XKR4: variants seen among roughly 807,000 people sequenced by gnomAD.
XKR4 encodes XK related 4.
Under a neutral mutation model 53.9 loss-of-function variants are expected in XKR4, and 12 were observed. The observed-to-expected ratio is 0.22, with a 90% confidence interval of 0.14 to 0.36. XKR4 has a LOEUF of 0.36. XKR4 is among the 10% of genes least tolerant of loss of function. The pLI is 1.00. For missense variants in XKR4, 799 were observed against 859.5 expected, an observed-to-expected ratio of 0.93 and a Z score of 0.88; for synonymous variants, 354 against 362.4, an observed-to-expected ratio of 0.98 and a Z score of 0.26.
At chr8:55,358,612 A>T (rs1027180651) in intron 2 of XKR4, among the ~76,000 whole-genome samples, 2 of 152,234 alleles carry the variant, frequency 1.3e-5, no homozygotes, top group Non-Finnish European at 2.9e-5. Flanking sequence ...AAGATTAGAC[A>T]GACTGGTGGG....
At chr8:55,322,605 G>A (rs1455548098) in intron 1 of XKR4, among the ~76,000 whole-genome samples, 1 of 152,142 alleles carries the variant, frequency 6.6e-6, no homozygotes, top group Non-Finnish European at 1.5e-5. Context: ...TAGAGAAGAC[G>A]AGTTCTCTTG....
chr8:55,393,159 T>C, intron 2 of XKR4, among the ~76,000 whole-genome samples: 1 of 152,114 alleles, frequency 6.6e-6, no homozygotes, highest in East Asian at 1.9e-4. Context: ...GATGTGAAGA[T>C]CAGACTGTCT....
At position 55,523,663 on chromosome 8, in the gene XKR4, G is replaced by A. The variant is rs1166512194; in HGVS notation, c.1389G>A (p.Val463=). The part of the protein sequence containing the change: ...TRCRLFIYYF[V]ILLENTALSA... ...GCAGGCTATTCATTTACTATTTTGT[G>A]ATCCTTTTGGAAAATACAGCCTTGA... Residue 463 remains valine (V), a synonymous_variant, in exon 3 of 3, where the codon GTG becomes GTA. Coordinates refer to ENST00000327381, the MANE Select transcript of XKR4 (RefSeq NM_052898.2). 6.2e-7 allele frequency: 1 copy of A among 1,614,062 alleles called. No homozygotes were observed. Among genetic ancestry groups the A allele is most frequent in the Non-Finnish European group, 8.5e-7 (1 of 1,180,038 alleles).
intron 1 of XKR4, among the ~76,000 whole-genome samples, chr8:55,138,321 C>T (rs1816658954): frequency 6.6e-6 from 1 of 152,000 alleles, no homozygotes; most frequent in Non-Finnish European, 1.5e-5. Flanking sequence ...ATACCAAAAC[C>T]CAATTTATTC....
intron 2 of XKR4, among the ~76,000 whole-genome samples, chr8:55,386,548 A>G (rs963359481): frequency 1.3e-5 from 2 of 152,250 alleles, no homozygotes; most frequent in South Asian, 2.1e-4. Context: ...TTCAATAAGA[A>G]GTTTCTGTAG....
At chr8:55,131,870 C>G (rs918945358) in intron 1 of XKR4, among the ~76,000 whole-genome samples, 1 of 152,138 alleles carries the variant, frequency 6.6e-6, no homozygotes, top group African/African-American at 2.4e-5. Flanking sequence ...GCCACCATGC[C>G]CAGCCTCCCT....
intron 2 of XKR4, among the ~76,000 whole-genome samples, chr8:55,382,107 T>C (rs1431132995): frequency 6.6e-6 from 1 of 152,264 alleles, no homozygotes; most frequent in Non-Finnish European, 1.5e-5. Flanking sequence ...AACATTGTAA[T>C]TGGAGATGCC....
intron 2 of XKR4, among the ~76,000 whole-genome samples, chr8:55,474,375 T>C (rs1173480860): frequency 6.6e-6 from 1 of 152,170 alleles, no homozygotes; most frequent in Non-Finnish European, 1.5e-5. Flanking sequence ...GCTCTCTCTA[T>C]AGAGAGTTAA....
At chr8:55,203,194 G>A (rs371281176) in intron 1 of XKR4, among the ~76,000 whole-genome samples, 7 of 143,440 alleles carry the variant, frequency 4.9e-5, no homozygotes, top group Admixed American at 3.3e-4. Flanking sequence ...GCACTGGCCC[G>A]CCAAGCACGG....
intron 2 of XKR4, among the ~76,000 whole-genome samples, chr8:55,497,841 G>A (rs987533917): frequency 2.0e-5 from 3 of 152,080 alleles, no homozygotes; most frequent in Admixed American, 6.5e-5. Context: ...CTCTTCTCAA[G>A]AGCCCCTAAT....
intron 2 of XKR4, among the ~76,000 whole-genome samples, chr8:55,509,366 C>T (rs1806589136): frequency 6.6e-6 from 1 of 152,174 alleles, no homozygotes; most frequent in Non-Finnish European, 1.5e-5. Context: ...TCTGTACTTC[C>T]TTTTTCATTT....
At chr8:55,196,074 G>A (rs540284369) in intron 1 of XKR4, among the ~76,000 whole-genome samples, 2 of 152,252 alleles carry the variant, frequency 1.3e-5, no homozygotes, top group East Asian at 3.9e-4. Flanking sequence ...TCATGCTGCA[G>A]GTCAGGCAGA....
chr8:55,422,844 G>A (rs886986447), intron 2 of XKR4, among the ~76,000 whole-genome samples: 1 of 152,172 alleles, frequency 6.6e-6, no homozygotes, highest in Non-Finnish European at 1.5e-5. Context: ...TTAATAAGAA[G>A]TAACAAGATC....
At chr8:55,199,010 G>A (rs755926804) in intron 1 of XKR4, among the ~76,000 whole-genome samples, 6 of 152,182 alleles carry the variant, frequency 3.9e-5, no homozygotes, top group South Asian at 2.1e-4. Flanking sequence ...TTCAGCTCAC[G>A]TATAAGGAAG....
intron 2 of XKR4, among the ~76,000 whole-genome samples, chr8:55,504,980 G>A (rs551906504): frequency 1.3e-5 from 2 of 151,518 alleles, no homozygotes; most frequent in Non-Finnish European, 2.9e-5. Context: ...TGTCAATTTT[G>A]TTGATCCTTT....
intron 1 of XKR4, among the ~76,000 whole-genome samples, chr8:55,167,953 G>A (rs1018457242): frequency 1.3e-5 from 2 of 152,142 alleles, no homozygotes; most frequent in African/African-American, 4.8e-5. Context: ...GTAACCAACT[G>A]TAAAATGAAG....
intron 1 of XKR4, among the ~76,000 whole-genome samples, chr8:55,222,254 G>T (rs531764047): frequency 6.6e-6 from 1 of 152,268 alleles, no homozygotes; most frequent in African/African-American, 2.4e-5. Context: ...CACCTTTCCT[G>T]TGGGCGATGT....
At chr8:55,129,315 C>T (rs975016740) in intron 1 of XKR4, among the ~76,000 whole-genome samples, 4 of 152,108 alleles carry the variant, frequency 2.6e-5, no homozygotes, top group Admixed American at 6.6e-5. Context: ...AGGCAAATTC[C>T]AATGAAAAAA....
chr8:55,406,565 C>T (rs1183844879), intron 2 of XKR4, among the ~76,000 whole-genome samples: 4 of 152,236 alleles, frequency 2.6e-5, no homozygotes, highest in African/African-American at 9.6e-5. Flanking sequence ...ACTTCCTGTT[C>T]TCCTGCCAAA....
Sources: allele counts gnomAD v4.1 joint callset (sites outside exome capture counted in the v4.1 genomes callset), GRCh38; gene constraint gnomAD v4.1.1; transcripts MANE v1.5; gene names NCBI Gene and HGNC (gene_info 2026-07-23, HGNC 2026-07-21).